Variants in SPTLC3 observed in about 807,000 individuals in gnomAD.
SPTLC3 encodes the protein serine palmitoyltransferase long chain base subunit 3.
A neutral mutation model predicts 59.3 loss-of-function variants in SPTLC3; 36 were observed. The observed-to-expected ratio is 0.61, with a 90% CI of 0.47 to 0.80. The LOEUF (loss-of-function observed/expected upper bound fraction) is 0.80. SPTLC3 is among the 30% of genes least tolerant of loss of function. The pLI, the probability that SPTLC3 is intolerant of heterozygous loss-of-function variation, is 0.00. For synonymous variants in SPTLC3, 257 were observed against 240.8 expected, an observed-to-expected ratio of 1.07 and a Z score of -0.62; for missense variants, 625 against 685.1, an observed-to-expected ratio of 0.91 and a Z score of 0.98.
chr20:13,049,052 G>A lies in SPTLC3; in HGVS notation c.225G>A (p.Leu75=), dbSNP rs765354166. Residue 75 remains leucine, a synonymous_variant, in exon 2 of 12, where the codon CTG becomes CTA. Transcript: ENST00000399002. ...ACATGGGATATGGAATTGGAACCCT[G>A]TTTGGCTATCTCAGAGACTTTTTAA... ...FTYMGYGIGT[L]FGYLRDFLRN... is the part of the protein sequence containing the mutation. 23 of 1,613,756 alleles carry A rather than the reference G, an allele frequency of 1.4e-5. 1 individual carries two copies. In the South Asian group the frequency reaches 2.4e-4, roughly 17 times the overall value.
In SPTLC3 at chr20:13,168,807, G is replaced by C. The variant is rs1282519773; in HGVS notation, c.*3940G>C. On this transcript the variant is annotated 3_prime_UTR_variant, in exon 12 of 12. Transcript: ENST00000399002. ...GGCAATGTTTCCTGGTCTCAAAACAGTAAGAACAATTTGAAGTCTGTTCTT... is the reference window on the plus strand; with the variant it reads ...GGCAATGTTTCCTGGTCTCAAAACACTAAGAACAATTTGAAGTCTGTTCTT... 1.3e-5 allele frequency: 2 copies of C among 152,160 alleles called. No individual in the cohort carries two copies. Among genetic ancestry groups the C allele is most frequent in the Non-Finnish European group, 2.9e-5 (2 of 68,026 alleles). The allele number at this position is 152,160 out of a possible 1,614,324, so 9.4% of individuals were successfully genotyped here. A position where few individuals can be genotyped will look rare whatever the true frequency, so the allele number is the denominator to read the frequency against.
chr20:13,011,610 C>T (rs1985255728), intron 1 of SPTLC3, among the ~76,000 whole-genome samples: 2 of 152,212 alleles, frequency 1.3e-5, no homozygotes, highest in East Asian at 3.8e-4. Flanking sequence ...GCTGCCATCC[C>T]TGCTCCAGCC....
At chr20:13,131,226 C>T (rs2038113582) in intron 9 of SPTLC3, among the ~76,000 whole-genome samples, 1 of 152,192 alleles carries the variant, frequency 6.6e-6, no homozygotes, top group African/African-American at 2.4e-5. Flanking sequence ...AACTCCCAGT[C>T]TTGATCTTAC....
At chr20:13,029,557 A>G (rs942011241) in intron 1 of SPTLC3, among the ~76,000 whole-genome samples, 2 of 152,166 alleles carry the variant, frequency 1.3e-5, no homozygotes, top group Admixed American at 1.3e-4. Context: ...AATTATGATC[A>G]TGGATATTAT....
chr20:13,091,117 T>C lies in SPTLC3; in HGVS notation c.642T>C (p.Leu214=). The change falls in exon 5 of 12, where the codon CTT becomes CTC. Residue 214 remains leucine, a synonymous_variant. Coordinates refer to ENST00000399002, the MANE Select transcript of SPTLC3 (RefSeq NM_018327.4). ...ATAAGCACAAGGAGTTGGAGGACCT[T>C]GTGGCTAAGTTCCTGAATGTGGAAG... ...TLDKHKELED[L]VAKFLNVEAA... 1 of 1,614,034 alleles carries C rather than the reference T, an allele frequency of 6.2e-7. No individual in the cohort carries two copies. The highest frequency in any genetic ancestry group is 1.1e-5 in the South Asian group (1 of 91,084).
At chr20:13,124,524 T>C (rs1176014543) in intron 8 of SPTLC3, among the ~76,000 whole-genome samples, 2 of 151,452 alleles carry the variant, frequency 1.3e-5, no homozygotes, top group Non-Finnish European at 2.9e-5. Flanking sequence ...GGGAATAGTT[T>C]GAAGTGAAGG....
At chr20:13,159,321 C>T (rs2038843168) in intron 10 of SPTLC3, among the ~76,000 whole-genome samples, 1 of 152,320 alleles carries the variant, frequency 6.6e-6, no homozygotes, top group African/African-American at 2.4e-5. Flanking sequence ...CTGCCCCATT[C>T]CTCTTAAACT....
At chr20:13,162,703 C>A (rs754494570) in intron 11 of SPTLC3, among the ~76,000 whole-genome samples, 1 of 152,184 alleles carries the variant, frequency 6.6e-6, no homozygotes, top group African/African-American at 2.4e-5. Context: ...ACTCTAGCCT[C>A]GCTTTCATTC....
intron 4 of SPTLC3, among the ~76,000 whole-genome samples, chr20:13,080,939 T>A (rs1213348409): frequency 6.6e-6 from 1 of 152,200 alleles, no homozygotes; most frequent in African/African-American, 2.4e-5. Context: ...CTGTTTAGCA[T>A]AATATTATTT....
intron 10 of SPTLC3, 91 bp downstream of exon 10, chr20:13,154,229 A>G (rs2122962877): frequency 1.3e-6 from 2 of 1,520,250 alleles, no homozygotes; most frequent in Non-Finnish European, 1.8e-6. Flanking sequence ...TGCATCTGGA[A>G]TGGGGTGAGT....
chr20:13,113,708 T>C (rs1051094331), intron 7 of SPTLC3, among the ~76,000 whole-genome samples: 9 of 152,330 alleles, frequency 5.9e-5, no homozygotes, highest in South Asian at 2.1e-4. Flanking sequence ...TGAGGTCATA[T>C]AAGCTAGTGT....
chr20:13,016,172 G>GAAGAGA (rs1449770822), intron 1 of SPTLC3, among the ~76,000 whole-genome samples: 2 of 152,180 alleles, frequency 1.3e-5, no homozygotes, highest in African/African-American at 4.8e-5. Context: ...GTAAGGAAAG[G>GAAGAGA]AAGAGAAAGA....
chr20:13,033,948 T>C (rs1163032501), intron 1 of SPTLC3, among the ~76,000 whole-genome samples: 2 of 151,790 alleles, frequency 1.3e-5, no homozygotes, highest in Non-Finnish European at 1.5e-5. Context: ...GGGAGAACAG[T>C]TGGGAAGAAA....
intron 8 of SPTLC3, among the ~76,000 whole-genome samples, chr20:13,118,439 G>A (rs1219878456): frequency 8.1e-6 from 1 of 123,478 alleles, no homozygotes; most frequent in African/African-American, 3.0e-5. Flanking sequence ...ATATCACCAA[G>A]AGGTTTGTGG....
At chr20:13,129,640 C>G (rs1476830875) in intron 9 of SPTLC3, among the ~76,000 whole-genome samples, 1 of 152,170 alleles carries the variant, frequency 6.6e-6, no homozygotes, top group African/African-American at 2.4e-5. Flanking sequence ...ATATGTCATC[C>G]GAATCAGTTG....
chr20:13,121,674 A>T (rs544417205), intron 8 of SPTLC3, among the ~76,000 whole-genome samples: 1 of 152,266 alleles, frequency 6.6e-6, no homozygotes, highest in Admixed American at 6.5e-5. Flanking sequence ...CAATGGGGGA[A>T]CGAGAGGGGG....
Position 13,165,632 on chromosome 20 carries a change from G to A in SPTLC3, c.*765G>A, listed in dbSNP as rs2038974145. 6.6e-6 allele frequency: 1 copy of A among 152,192 alleles called. No homozygotes were observed. 9.4% of individuals were successfully genotyped at this position (152,192 alleles called of 1,614,324 possible). On this transcript the variant is annotated 3_prime_UTR_variant, in exon 12 of 12. Transcript: ENST00000399002. ...ACACTTTTAGGTCTAGACTAAAATG[G>A]TAGTTACAACAATTTGAACCTTGTT...
intron 4 of SPTLC3, among the ~76,000 whole-genome samples, chr20:13,086,683 C>G (rs1600265005): frequency 2.0e-5 from 3 of 152,326 alleles, no homozygotes; most frequent in East Asian, 1.9e-4. Context: ...CATGTGCCCA[C>G]TGGAAATCCT....
At chr20:13,042,054 A>G (rs6041800) in intron 1 of SPTLC3, among the ~76,000 whole-genome samples, 21,595 of 152,206 alleles carry the variant, frequency 0.14, 2,311 homozygotes, top group African/African-American at 0.3. Flanking sequence ...TTCACAATCT[A>G]ATCCAATTAA....
Sources: allele counts gnomAD v4.1 joint callset (sites outside exome capture counted in the v4.1 genomes callset), GRCh38; gene constraint gnomAD v4.1.1; transcripts MANE v1.5; gene names NCBI Gene and HGNC (gene_info 2026-07-23, HGNC 2026-07-21).